OSBPL1A: variants seen among roughly 807,000 people sequenced by gnomAD.
The protein encoded by OSBPL1A is oxysterol-binding protein-related protein 1.
A neutral mutation model predicts 137.1 loss-of-function variants in OSBPL1A; 80 were observed. The ratio of observed to expected loss-of-function variants is 0.58; its 90% CI spans 0.49 to 0.70. The LOEUF is 0.70. Ranked by LOEUF, OSBPL1A falls within the 30% of genes least tolerant of loss-of-function variation. The probability of loss-of-function intolerance (pLI) is 0.00; values close to 1 mark genes in which losing one functional copy is unlikely to be tolerated. For missense variants in OSBPL1A, 970 were observed against 1,129.4 expected, an observed-to-expected ratio of 0.86 and a Z score of 2.02; for synonymous variants, 365 against 389.7, an observed-to-expected ratio of 0.94 and a Z score of 0.75.
chr18:24,340,820 G>A (rs541218908), intron 5 of OSBPL1A, among the ~76,000 whole-genome samples: 44 of 152,184 alleles, frequency 2.9e-4, no homozygotes, highest in African/African-American at 9.6e-4. Context: ...CCAACATCAA[G>A]TGACTCCCAA....
At chr18:24,301,167 A>ATC (rs2090393154) in intron 14 of OSBPL1A, 1 of 152,220 alleles carries the variant, frequency 6.6e-6, no homozygotes, top group African/African-American at 2.4e-5. Flanking sequence ...TTTTCAGAAA[A>ATC]TGTCCATAAT....
chr18:24,326,593 A>G (rs1568029756), intron 7 of OSBPL1A, among the ~76,000 whole-genome samples: 1 of 152,246 alleles, frequency 6.6e-6, no homozygotes. Context: ...GCTAGAAGAC[A>G]TGATCAGACC....
intron 14 of OSBPL1A, among the ~76,000 whole-genome samples, chr18:24,286,443 T>A (rs1233809655): frequency 6.6e-6 from 1 of 152,174 alleles, no homozygotes; most frequent in East Asian, 1.9e-4. Context: ...TATATCTACA[T>A]CTATATAATT....
chr18:24,249,281 T>G (rs2088997407), intron 15 of OSBPL1A, among the ~76,000 whole-genome samples: 1 of 152,224 alleles, frequency 6.6e-6, no homozygotes, highest in Admixed American at 6.5e-5. Flanking sequence ...TTTTTCAGAT[T>G]ATGGTATAAT....
chr18:24,180,315 ACTCTAC>A (rs1207079459), intron 19 of OSBPL1A, among the ~76,000 whole-genome samples: 1 of 152,118 alleles, frequency 6.6e-6, no homozygotes, highest in Non-Finnish European at 1.5e-5. Context: ...TGTCCACTAT[ACTCTAC>A]CTCTAACTAG....
At chr18:24,382,463 G>A (rs1906667798) in intron 1 of OSBPL1A, among the ~76,000 whole-genome samples, 1 of 150,748 alleles carries the variant, frequency 6.6e-6, no homozygotes, top group South Asian at 2.1e-4. Flanking sequence ...TGTAGTCCCA[G>A]CCATTGGAGA....
At chr18:24,386,325 T>C (rs1286700564) in intron 1 of OSBPL1A, among the ~76,000 whole-genome samples, 2 of 152,176 alleles carry the variant, frequency 1.3e-5, no homozygotes, top group Non-Finnish European at 2.9e-5. Flanking sequence ...AAGACAGGCA[T>C]TTGACTAAAT....
intron 3 of OSBPL1A, chr18:24,368,050 T>A: frequency 3.2e-6 from 1 of 309,916 alleles, no homozygotes; most frequent in East Asian, 5.2e-5. Flanking sequence ...TGCCTACTTT[T>A]ATTATTTTTA....
intron 7 of OSBPL1A, among the ~76,000 whole-genome samples, chr18:24,328,452 A>G (rs1371463840): frequency 6.6e-6 from 1 of 151,742 alleles, no homozygotes; most frequent in Non-Finnish European, 1.5e-5. Flanking sequence ...AAATTAAATC[A>G]CCATACTTAC....
In OSBPL1A at chr18:24,239,242, G is replaced by A. The variant is rs763481539; in HGVS notation, c.1422C>T (p.Asp474=). ...TACCTGACAGCGCATCATAGAACTC[G>A]TCCTCGCTAAGGATGCTGGCGGGTG... ...GSPPASILSE[D]EFYDALSDSE... Residue 474 remains aspartate, a synonymous_variant, in exon 16 of 28, where the codon GAC becomes GAT. Coordinates refer to ENST00000319481, the MANE Select transcript of OSBPL1A (RefSeq NM_080597.4). The A allele has an allele frequency of 9.3e-6, 15 of 1,613,848 alleles. No homozygotes were observed. Among genetic ancestry groups the A allele is most frequent in the African/African-American group, 1.3e-5 (1 of 74,906 alleles).
intron 1 of OSBPL1A, among the ~76,000 whole-genome samples, chr18:24,393,209 A>G (rs1348484718): frequency 6.6e-6 from 1 of 152,120 alleles, no homozygotes; most frequent in Non-Finnish European, 1.5e-5. Flanking sequence ...ACACATGTGC[A>G]TAGATACACA....
rs374646094 is a variant in OSBPL1A, at chr18:24,355,849, G to A, written c.282+11043C>T. On this transcript the variant is annotated intron_variant, in intron 4 of 27. Transcript: ENST00000319481. ...AAAATACAAATCTTAGCCAGGCATGGTGGCATGCGCCTGTAATCCCAGCTA... is the reference window on the plus strand; with the variant it reads ...AAAATACAAATCTTAGCCAGGCATGATGGCATGCGCCTGTAATCCCAGCTA... 1.2e-4 allele frequency among the ~76,000 whole-genome samples: 18 copies of A among 152,134 alleles called. No individual in the cohort carries two copies. The East Asian group carries it at 3.3e-3, about 28-fold the overall frequency.
At chr18:24,344,816 T>C (rs28591469) in intron 4 of OSBPL1A, among the ~76,000 whole-genome samples, 2 of 150,488 alleles carry the variant, frequency 1.3e-5, no homozygotes, top group South Asian at 4.2e-4. Context: ...GGATTTTTTG[T>C]TTTTGTTTTC....
rs549635347 is a variant in OSBPL1A at position 24,212,349 on chromosome 18, C to T, written c.1601+12693G>A. On this transcript the variant is annotated intron_variant, in intron 17 of 27. Coordinates refer to ENST00000319481, the MANE Select transcript of OSBPL1A (RefSeq NM_080597.4). ...CTGGGATTACGGGTGTGAGACACCACGCCCGGCCTTCAAAAACTTTAAAAC... is the reference window on the plus strand; with the variant it reads ...CTGGGATTACGGGTGTGAGACACCATGCCCGGCCTTCAAAAACTTTAAAAC... 5.9e-5 allele frequency among the ~76,000 whole-genome samples: 9 copies of T among 152,180 alleles called. No individual in the cohort carries two copies. In the South Asian group the frequency reaches 1.2e-3, roughly 21 times the overall value.
intron 15 of OSBPL1A, among the ~76,000 whole-genome samples, chr18:24,268,947 T>C (rs2089649547): frequency 6.6e-6 from 1 of 152,158 alleles, no homozygotes; most frequent in Non-Finnish European, 1.5e-5. Context: ...ATTCCCTCAA[T>C]TCCCTACCTT....
chr18:24,374,950 C>T (rs2146202219), intron 2 of OSBPL1A, among the ~76,000 whole-genome samples: 1 of 152,156 alleles, frequency 6.6e-6, no homozygotes, highest in South Asian at 2.1e-4. Context: ...GCAAGTCTCA[C>T]CTCTACACTC....
At chr18:24,322,474 G>A (rs2090884397) in intron 7 of OSBPL1A, among the ~76,000 whole-genome samples, 1 of 151,920 alleles carries the variant, frequency 6.6e-6, no homozygotes, top group Non-Finnish European at 1.5e-5. Context: ...GCTGCTGATG[G>A]GGAACCTGGG....
At chr18:24,316,677 C>G (rs546897541) in intron 11 of OSBPL1A, among the ~76,000 whole-genome samples, 2 of 152,120 alleles carry the variant, frequency 1.3e-5, no homozygotes, top group Non-Finnish European at 2.9e-5. Flanking sequence ...CAGTAGGACA[C>G]TTTCACATTC....
At chr18:24,374,779 T>C (rs554316958) in intron 2 of OSBPL1A, among the ~76,000 whole-genome samples, 73 of 152,154 alleles carry the variant, frequency 4.8e-4, no homozygotes, top group Non-Finnish European at 1.0e-3. Context: ...GAGCCTTACC[T>C]ATGCCACACG....
Sources: gnomAD v4.1 joint callset for allele counts (sites outside exome capture counted in the v4.1 genomes callset) on GRCh38, gnomAD v4.1.1 for gene constraint, MANE v1.5 for transcripts, NCBI Gene and HGNC (gene_info 2026-07-23, HGNC 2026-07-21) for gene names.